BMERB1: variants seen among roughly 807,000 people sequenced by gnomAD.
The protein encoded by BMERB1 is bMERB domain containing 1.
Under a neutral mutation model 23.6 loss-of-function variants are expected in BMERB1, and 12 were observed. The observed-to-expected ratio is 0.51, with a 90% CI of 0.33 to 0.82. BMERB1 has a LOEUF of 0.82. Among genes scored for constraint, BMERB1 ranks in the 40% least tolerant of loss-of-function variants. The pLI is 0.03. For missense variants in BMERB1, 247 were observed against 255.4 expected (o/e 0.97, Z 0.22); for synonymous variants, 122 against 96.6 (o/e 1.26, Z -1.54).
chr16:15,503,813 C>T (rs1198426782), intron 1 of BMERB1, among the ~76,000 whole-genome samples: 2 of 152,168 alleles, frequency 1.3e-5, no homozygotes, highest in Admixed American at 6.5e-5. Flanking sequence ...CTTGAAGCGA[C>T]GTCTGTCTTA....
intron 1 of BMERB1, among the ~76,000 whole-genome samples, chr16:15,514,356 C>T (rs924931424): frequency 1.4e-4 from 21 of 152,252 alleles, no homozygotes; most frequent in Middle Eastern, 3.4e-3. Flanking sequence ...CTAGAGTCGG[C>T]TGGTCTTAGA....
chr16:15,538,047 T>C lies in BMERB1; in HGVS notation c.230+22619T>C, dbSNP rs1337324670. Among the ~76,000 whole-genome samples, 4 of 152,314 alleles carry C rather than the reference T, an allele frequency of 2.6e-5. No individual in the cohort carries two copies. In the East Asian group the frequency reaches 7.7e-4, roughly 29 times the overall value. ...AAACTGCTCATTTAGATAATGAAGT[T>C]TAATTTACCTTTGAAAGCAACACTT... On this transcript the variant is annotated intron_variant, in intron 2 of 5. Coordinates refer to ENST00000300006, the MANE Select transcript of BMERB1 (RefSeq NM_033201.3).
intron 1 of BMERB1, among the ~76,000 whole-genome samples, chr16:15,512,397 GT>G (rs2051679615): frequency 6.6e-6 from 1 of 152,188 alleles, no homozygotes; most frequent in South Asian, 2.1e-4. Flanking sequence ...CTGTGCACGT[GT>G]GCAAGGGCCA....
At chr16:15,553,316 T>C (rs60323738) in intron 2 of BMERB1, among the ~76,000 whole-genome samples, 83 of 152,314 alleles carry the variant, frequency 5.4e-4, no homozygotes, top group African/African-American at 1.9e-3. Flanking sequence ...CCCAAAACGT[T>C]TTTTTAAAAT....
chr16:15,465,623 T>TC (rs1190506173), intron 1 of BMERB1, among the ~76,000 whole-genome samples: 1 of 152,070 alleles, frequency 6.6e-6, no homozygotes, highest in East Asian at 1.9e-4. Flanking sequence ...AAAGTGCTGG[T>TC]ATTACAGCTG....
intron 1 of BMERB1, among the ~76,000 whole-genome samples, chr16:15,505,105 G>C (rs1360841607): frequency 6.6e-6 from 1 of 152,114 alleles, no homozygotes; most frequent in Non-Finnish European, 1.5e-5. Flanking sequence ...CGTTTGTTGA[G>C]GGACCCTGGG....
At chr16:15,514,906 C>T (rs1277623837) in intron 1 of BMERB1, among the ~76,000 whole-genome samples, 5 of 152,128 alleles carry the variant, frequency 3.3e-5, no homozygotes, top group East Asian at 1.9e-4. Context: ...TGGTAAACCC[C>T]GTCTCTACTA....
chr16:15,577,678 T>G (rs2150975888), intron 3 of BMERB1, among the ~76,000 whole-genome samples: 1 of 151,998 alleles, frequency 6.6e-6, no homozygotes, highest in Admixed American at 6.5e-5. Context: ...ATTCCAGGGT[T>G]TTATGTCTCT....
intron 2 of BMERB1, among the ~76,000 whole-genome samples, chr16:15,549,494 C>T (rs1334591172): frequency 2.0e-5 from 3 of 151,922 alleles, no homozygotes; most frequent in East Asian, 1.9e-4. Flanking sequence ...TCCTGGCCAA[C>T]GTGGTGAAAC....
At chr16:15,558,735 T>G (rs2150968867) in intron 2 of BMERB1, among the ~76,000 whole-genome samples, 1 of 152,116 alleles carries the variant, frequency 6.6e-6, no homozygotes, top group East Asian at 2.0e-4. Context: ...ATATATCATT[T>G]GGCTGCTTGA....
chr16:15,436,797 T>C (rs1384308346), intron 1 of BMERB1, among the ~76,000 whole-genome samples: 1 of 152,076 alleles, frequency 6.6e-6, no homozygotes, highest in African/African-American at 2.4e-5. Flanking sequence ...CTGCCTTTTA[T>C]TGCTAGATGA....
chr16:15,558,873 AG>A (rs1438152732), intron 2 of BMERB1, among the ~76,000 whole-genome samples: 1 of 151,592 alleles, frequency 6.6e-6, no homozygotes, highest in African/African-American at 2.4e-5. Context: ...TGGCTGTAGG[AG>A]CTTAGGACCA....
intron 2 of BMERB1, among the ~76,000 whole-genome samples, chr16:15,540,873 T>C (rs1327215697): frequency 1.3e-5 from 2 of 152,308 alleles, no homozygotes; most frequent in African/African-American, 2.4e-5. Context: ...TTTTTTCTGA[T>C]ACCAAATACG....
intron 3 of BMERB1, among the ~76,000 whole-genome samples, chr16:15,574,225 A>G (rs1323603355): frequency 1.3e-5 from 2 of 152,184 alleles, no homozygotes; most frequent in Non-Finnish European, 2.9e-5. Flanking sequence ...TCTCATGGGA[A>G]CTCGCTCACT....
At chr16:15,508,305 G>A (rs2150946843) in intron 1 of BMERB1, among the ~76,000 whole-genome samples, 1 of 152,300 alleles carries the variant, frequency 6.6e-6, no homozygotes, top group Middle Eastern at 3.4e-3. Flanking sequence ...ACCCAGGGAA[G>A]GGGTTGGCCA....
intron 2 of BMERB1, among the ~76,000 whole-genome samples, chr16:15,544,322 T>C (rs1355627763): frequency 6.6e-6 from 1 of 152,214 alleles, no homozygotes; most frequent in Non-Finnish European, 1.5e-5. Flanking sequence ...ACATTTTAAA[T>C]TTTGAAAATA....
chr16:15,480,055 A>G (rs992344524), intron 1 of BMERB1, among the ~76,000 whole-genome samples: 1 of 149,554 alleles, frequency 6.7e-6, no homozygotes, highest in Non-Finnish European at 1.5e-5. Context: ...TGGGTCCTCC[A>G]TATTTTTTTA....
At chr16:15,512,293 G>T (rs2051678134) in intron 1 of BMERB1, among the ~76,000 whole-genome samples, 1 of 152,146 alleles carries the variant, frequency 6.6e-6, no homozygotes, top group Non-Finnish European at 1.5e-5. Context: ...AAATGCATCA[G>T]GTGGACTCCT....
At chr16:15,447,791 G>A (rs771406933) in intron 1 of BMERB1, 2 of 449,078 alleles carry the variant, frequency 4.5e-6, no homozygotes, top group Non-Finnish European at 8.9e-6. Context: ...AGATAAAAAG[G>A]ATGGTTAAGC....
Sources: allele counts gnomAD v4.1 joint callset (sites outside exome capture counted in the v4.1 genomes callset), GRCh38; gene constraint gnomAD v4.1.1; transcripts MANE v1.5; gene names NCBI Gene and HGNC (gene_info 2026-07-23, HGNC 2026-07-21).